LIMS1: variants seen among roughly 807,000 people sequenced by gnomAD.
LIMS1 encodes the protein LIM and senescent cell antigen-like-containing domain protein 1.
LIMS1 carries 18 observed loss-of-function variants against 44.1 expected under a neutral mutation model. The ratio of observed to expected loss-of-function variants is 0.41; its 90% CI spans 0.28 to 0.61. LIMS1 has a LOEUF of 0.61. LIMS1 is among the 20% of genes least tolerant of loss of function. LIMS1 has a pLI of 0.32. For synonymous variants in LIMS1, 93 were observed against 149.1 expected (o/e 0.62, Z 2.74); for missense variants, 201 against 422.0 (o/e 0.48, Z 4.59).
At position 108,642,340 on chromosome 2, in the gene LIMS1, TTGTTTTTTTTTTTTTTTGTTTTTTG is replaced by T. The variant is rs1239990761; in HGVS notation, c.33-17263_33-17239del. On this transcript the variant is annotated intron_variant, in intron 1 of 9. Coordinates refer to ENST00000544547, the Ensembl canonical transcript of LIMS1. ...AGTAATTTTAAGCTACTAGTGTTTT[TTGTTTTTTTTTTTTTTTGTTTTTTG>T]TTTTTTTTTTTTGAGACGGAGTCTC... Among the ~76,000 whole-genome samples the T allele has an allele frequency of 4.1e-3, 52 of 12,550 alleles. 3 individuals are homozygous for T. Among genetic ancestry groups the T allele is most frequent in the African/African-American group, 9.8e-3 (48 of 4,900 alleles). The allele number at this position is 12,550 out of a possible 152,430, so 8.2% of individuals were successfully genotyped here.
intron 1 of LIMS1, among the ~76,000 whole-genome samples, chr2:108,604,704 G>T (rs907791705): frequency 3.3e-5 from 5 of 152,148 alleles, no homozygotes; most frequent in African/African-American, 1.2e-4. Context: ...CTAGAGAGTT[G>T]TCTAAGACCA....
intron 1 of LIMS1, among the ~76,000 whole-genome samples, chr2:108,620,122 G>A (rs979471421): frequency 6.6e-6 from 1 of 152,148 alleles, no homozygotes; most frequent in Non-Finnish European, 1.5e-5. Flanking sequence ...GTAGCCCTCA[G>A]GGGAACTAGC....
At chr2:108,556,004 A>G (rs1456058652) in intron 1 of LIMS1, among the ~76,000 whole-genome samples, 1 of 152,104 alleles carries the variant, frequency 6.6e-6, no homozygotes, top group African/African-American at 2.4e-5. Context: ...ATAGCAAAAT[A>G]TAAATAACAC....
chr2:108,663,097 A>C (rs192436430), intron 2 of LIMS1, among the ~76,000 whole-genome samples: 1 of 152,152 alleles, frequency 6.6e-6, no homozygotes, highest in Non-Finnish European at 1.5e-5. Context: ...TTCTGTCTCA[A>C]CTACAGTTTC....
intron 1 of LIMS1, among the ~76,000 whole-genome samples, chr2:108,540,257 G>A (rs944935538): frequency 4.2e-5 from 6 of 142,160 alleles, no homozygotes; most frequent in Admixed American, 1.5e-4. Flanking sequence ...GGAGTGCAGT[G>A]GCATGATCTC....
At chr2:108,593,895 G>A (rs577789883) in intron 1 of LIMS1, among the ~76,000 whole-genome samples, 61 of 152,162 alleles carry the variant, frequency 4.0e-4, no homozygotes, top group Non-Finnish European at 7.9e-4. Context: ...TAGGACCATT[G>A]TAGAATCCTT....
intron 1 of LIMS1, among the ~76,000 whole-genome samples, chr2:108,642,976 C>T (rs1161378827): frequency 1.3e-5 from 2 of 152,104 alleles, no homozygotes; most frequent in Non-Finnish European, 2.9e-5. Context: ...CAGCCAGGGT[C>T]CTAGATTTGC....
At chr2:108,573,851 G>C (rs1332630319) in intron 1 of LIMS1, among the ~76,000 whole-genome samples, 1 of 152,200 alleles carries the variant, frequency 6.6e-6, no homozygotes, top group African/African-American at 2.4e-5. Flanking sequence ...GTGACCTTGG[G>C]CCAAGATCAG....
At chr2:108,550,689 G>T (rs1006006950) in intron 1 of LIMS1, among the ~76,000 whole-genome samples, 4 of 151,102 alleles carry the variant, frequency 2.6e-5, no homozygotes, top group African/African-American at 7.3e-5. Context: ...CGTGGCGGGT[G>T]CCTGTAGTCC....
At chr2:108,539,490 C>T (rs1455988368) in intron 1 of LIMS1, among the ~76,000 whole-genome samples, 2 of 152,086 alleles carry the variant, frequency 1.3e-5, no homozygotes, top group Non-Finnish European at 2.9e-5. Flanking sequence ...TGACTTTGGC[C>T]CTGTCAGCGT....
At chr2:108,600,593 T>C (rs1404284180) in intron 1 of LIMS1, among the ~76,000 whole-genome samples, 2 of 152,216 alleles carry the variant, frequency 1.3e-5, no homozygotes, top group Admixed American at 1.3e-4. Context: ...ATTATGGATA[T>C]TCAGTTTTCC....
intron 1 of LIMS1, among the ~76,000 whole-genome samples, chr2:108,560,433 C>T (rs1184607140): frequency 1.3e-5 from 2 of 152,050 alleles, no homozygotes; most frequent in Non-Finnish European, 2.9e-5. Context: ...CATTCATTCC[C>T]CTTTATCCAC....
At chr2:108,631,763 A>G (rs981629624) in intron 1 of LIMS1, among the ~76,000 whole-genome samples, 3 of 152,088 alleles carry the variant, frequency 2.0e-5, no homozygotes, top group Non-Finnish European at 4.4e-5. Flanking sequence ...CCCTTTCTTC[A>G]TGGTCTGTAA....
At chr2:108,644,528 C>T (rs139147453) in intron 1 of LIMS1, among the ~76,000 whole-genome samples, 148 of 152,236 alleles carry the variant, frequency 9.7e-4, no homozygotes, top group African/African-American at 3.3e-3. Context: ...CATAAATCCA[C>T]GAAGATGGGG....
intron 1 of LIMS1, among the ~76,000 whole-genome samples, chr2:108,575,729 G>T (rs1685646897): frequency 6.6e-6 from 1 of 152,148 alleles, no homozygotes; most frequent in Non-Finnish European, 1.5e-5. Context: ...AGTATTTTAT[G>T]TTTTGATTTG....
At chr2:108,683,269 A>G (rs908458634) in intron 9 of LIMS1, among the ~76,000 whole-genome samples, 1 of 152,210 alleles carries the variant, frequency 6.6e-6, no homozygotes, top group Non-Finnish European at 1.5e-5. Context: ...CAATAAAGAA[A>G]TCATTCACAT....
intron 1 of LIMS1, among the ~76,000 whole-genome samples, chr2:108,603,549 G>A (rs1023014761): frequency 4.1e-5 from 5 of 121,882 alleles, no homozygotes; most frequent in African/African-American, 6.2e-5. Flanking sequence ...CTGTCACCTA[G>A]GCTGGAGTTA....
intron 1 of LIMS1, among the ~76,000 whole-genome samples, chr2:108,556,967 C>A (rs1684943295): frequency 6.6e-6 from 1 of 152,226 alleles, no homozygotes; most frequent in Non-Finnish European, 1.5e-5. Context: ...CAGGGATCCC[C>A]CTGACCCCTT....
chr2:108,636,870 C>T (rs960564722), intron 1 of LIMS1, among the ~76,000 whole-genome samples: 1 of 152,048 alleles, frequency 6.6e-6, no homozygotes, highest in Admixed American at 6.6e-5. Flanking sequence ...ACTGAGGCCC[C>T]TGGGAGATGC....
Sources: gnomAD v4.1 joint callset for allele counts (sites outside exome capture counted in the v4.1 genomes callset) on GRCh38, gnomAD v4.1.1 for gene constraint, MANE v1.5 for transcripts, NCBI Gene and HGNC (gene_info 2026-07-23, HGNC 2026-07-21) for gene names.